The following SGCZ variants were observed in gnomAD, a reference collection of about 807,000 sequenced individuals.
SGCZ encodes the protein sarcoglycan zeta.
SGCZ carries 40 observed loss-of-function variants against 41.3 expected under a neutral mutation model. The ratio of observed to expected loss-of-function variants is 0.97; its 90% CI spans 0.75 to 1.26. SGCZ has a LOEUF of 1.26. Ranked by LOEUF, SGCZ falls within the 50% of genes most tolerant of loss-of-function variation. The probability of loss-of-function intolerance (pLI) is 0.00; values close to 1 mark genes in which losing one functional copy is unlikely to be tolerated. For missense variants in SGCZ, 552 were observed against 369.8 expected, an observed-to-expected ratio of 1.49 and a Z score of -4.04; for synonymous variants, 206 against 137.5, an observed-to-expected ratio of 1.50 and a Z score of -3.49.
intron 2 of SGCZ, among the ~76,000 whole-genome samples, chr8:14,365,098 C>G (rs145057410): frequency 6.6e-6 from 1 of 151,848 alleles, no homozygotes; most frequent in Non-Finnish European, 1.5e-5. Flanking sequence ...AAACAGCATG[C>G]CCTTTTCACT....
intron 2 of SGCZ, among the ~76,000 whole-genome samples, chr8:14,341,673 C>T (rs1802711786): frequency 1.3e-5 from 2 of 152,100 alleles, no homozygotes; most frequent in Admixed American, 6.6e-5. Context: ...ATAGGAGGGA[C>T]CCAAGAGGAA....
At chr8:14,825,498 TA>T (rs1195318572) in intron 1 of SGCZ, among the ~76,000 whole-genome samples, 3 of 152,236 alleles carry the variant, frequency 2.0e-5, no homozygotes, top group Non-Finnish European at 4.4e-5. Context: ...AATTTTTCTA[TA>T]CAAAATAATT....
rs188872179 is a variant in SGCZ at position 14,687,083 on chromosome 8, T to C, written c.40-132157A>G. Among the ~76,000 whole-genome samples, 20 of 151,264 alleles carry C rather than the reference T, an allele frequency of 1.3e-4. 1 individual carries two copies. Among genetic ancestry groups the C allele is most frequent in the African/African-American group, 4.8e-4 (20 of 41,382 alleles). ...TGGTATTTTGAAGATTTGTACATTT[T>C]ACATTATTTCAGTGGCCATAAATGT... On this transcript the variant is annotated intron_variant, in intron 1 of 7. Transcript: ENST00000382080.
intron 2 of SGCZ, among the ~76,000 whole-genome samples, chr8:14,487,596 G>C (rs1309356363): frequency 8.9e-6 from 1 of 112,500 alleles, no homozygotes; most frequent in Non-Finnish European, 2.1e-5. Flanking sequence ...GTTTCTTAGG[G>C]GTAAAATATT....
chr8:15,191,337 G>C (rs1292367944), intron 1 of SGCZ, among the ~76,000 whole-genome samples: 3 of 151,974 alleles, frequency 2.0e-5, no homozygotes, highest in Non-Finnish European at 4.4e-5. Context: ...GTATTCACAA[G>C]CATACCTAGA....
chr8:14,268,365 A>G (rs1295363717), intron 3 of SGCZ, among the ~76,000 whole-genome samples: 3 of 150,858 alleles, frequency 2.0e-5, no homozygotes, highest in Non-Finnish European at 4.4e-5. Context: ...GTGTATATAT[A>G]TATATTCTCT....
chr8:14,474,760 T>C (rs1801311103), intron 2 of SGCZ, among the ~76,000 whole-genome samples: 1 of 152,194 alleles, frequency 6.6e-6, no homozygotes, highest in South Asian at 2.1e-4. Flanking sequence ...TAAAAATCAA[T>C]TACTTGTCCT....
chr8:14,894,434 T>A (rs560609495), intron 1 of SGCZ, among the ~76,000 whole-genome samples: 1 of 152,306 alleles, frequency 6.6e-6, no homozygotes, highest in Admixed American at 6.5e-5. Flanking sequence ...TGCTTTTACA[T>A]TACTTAAAAG....
chr8:15,078,463 G>A (rs115394783), intron 1 of SGCZ, among the ~76,000 whole-genome samples: 238 of 151,806 alleles, frequency 1.6e-3, no homozygotes, highest in African/African-American at 5.4e-3. Flanking sequence ...CTTTTTGACT[G>A]GTCTTCTATT....
intron 3 of SGCZ, among the ~76,000 whole-genome samples, chr8:14,254,616 T>C (rs577056134): frequency 4.3e-4 from 66 of 152,344 alleles, no homozygotes; most frequent in African/African-American, 1.5e-3. Context: ...AAACATTAAT[T>C]TGATATCTGA....
At chr8:15,093,424 A>G (rs911118007) in intron 1 of SGCZ, among the ~76,000 whole-genome samples, 1 of 152,178 alleles carries the variant, frequency 6.6e-6, no homozygotes. Context: ...TTCACCTTCA[A>G]TATTCATATT....
intron 1 of SGCZ, among the ~76,000 whole-genome samples, chr8:14,825,133 T>C (rs1435377644): frequency 6.6e-6 from 1 of 152,168 alleles, no homozygotes; most frequent in Non-Finnish European, 1.5e-5. Context: ...CTACTTCCTC[T>C]CTCTTAAATT....
intron 1 of SGCZ, among the ~76,000 whole-genome samples, chr8:15,208,862 A>C (rs561256105): frequency 6.8e-6 from 1 of 146,634 alleles, no homozygotes; most frequent in Non-Finnish European, 1.5e-5. Context: ...ATTCCTATAT[A>C]TCCTAAATAT....
At chr8:14,774,129 T>C (rs1413353843) in intron 1 of SGCZ, among the ~76,000 whole-genome samples, 1 of 152,114 alleles carries the variant, frequency 6.6e-6, no homozygotes, top group East Asian at 1.9e-4. Context: ...CTGCCCTCCA[T>C]AATGTGGGTT....
chr8:15,232,752 T>C (rs940351087), intron 1 of SGCZ, among the ~76,000 whole-genome samples: 10 of 145,876 alleles, frequency 6.9e-5, no homozygotes, highest in Non-Finnish European at 1.5e-4. Flanking sequence ...TGTATATATA[T>C]ACATATATAT....
chr8:14,252,113 G>T (rs1799309593), intron 3 of SGCZ, among the ~76,000 whole-genome samples: 1 of 152,164 alleles, frequency 6.6e-6, no homozygotes, highest in Non-Finnish European at 1.5e-5. Flanking sequence ...ATTCACATTA[G>T]ATATGTGTTA....
At chr8:14,884,842 T>A in intron 1 of SGCZ, among the ~76,000 whole-genome samples, 1 of 152,100 alleles carries the variant, frequency 6.6e-6, no homozygotes, top group Non-Finnish European at 1.5e-5. Flanking sequence ...CCATCTCCTT[T>A]CAATCCTCCA....
intron 4 of SGCZ, among the ~76,000 whole-genome samples, chr8:14,186,648 G>A (rs1184721910): frequency 1.3e-5 from 2 of 152,170 alleles, no homozygotes; most frequent in South Asian, 2.1e-4. Flanking sequence ...CAGCTATAGT[G>A]CAGACATTTT....
Position 14,269,980 on chromosome 8 carries a change from A to G in SGCZ, c.337-32301T>C, listed in dbSNP as rs1186877796. On this transcript the variant is annotated intron_variant, in intron 3 of 7. Coordinates refer to ENST00000382080, the MANE Select transcript of SGCZ (RefSeq NM_139167.4). ...ATATAAGGTAAAATAAGGATTGGCT[A>G]TAAGTGGAATAAATATTTGATGACA... is the stretch of plus-strand genomic sequence containing the variant. Among the ~76,000 whole-genome samples, 9 of 152,208 alleles carry G rather than the reference A, an allele frequency of 5.9e-5. No homozygotes were observed. The East Asian group carries it at 1.7e-3, about 29-fold the overall frequency.
Sources: allele counts gnomAD v4.1 joint callset (sites outside exome capture counted in the v4.1 genomes callset), GRCh38; gene constraint gnomAD v4.1.1; transcripts MANE v1.5; gene names NCBI Gene and HGNC (gene_info 2026-07-23, HGNC 2026-07-21).